GSN: variants seen among roughly 807,000 people sequenced by gnomAD.
The protein encoded by GSN is actin-depolymerizing factor.
GSN carries 56 observed loss-of-function variants against 85.7 expected under a neutral mutation model. The ratio of observed to expected loss-of-function variants is 0.65; its 90% CI spans 0.53 to 0.82. The LOEUF is 0.82. GSN is among the 40% of genes least tolerant of loss of function. The pLI is 0.00. For synonymous variants in GSN, 373 were observed against 399.1 expected (o/e 0.93, Z 0.78); for missense variants, 857 against 979.8 (o/e 0.87, Z 1.67).
At chr9:121,268,416 G>A (rs986756572) in intron 1 of GSN, among the ~76,000 whole-genome samples, 197 bp downstream of exon 1, 2 of 152,216 alleles carry the variant, frequency 1.3e-5, no homozygotes, top group African/African-American at 2.4e-5. Context: ...TGGGAGTTGG[G>A]GGATGGGGAG....
chr9:121,224,596 C>T (rs2054237783), intron 4 of GSN, among the ~76,000 whole-genome samples: 1 of 151,898 alleles, frequency 6.6e-6, no homozygotes, highest in Admixed American at 6.6e-5. Context: ...CTGGCTTCTT[C>T]CTGAAATAGA....
chr9:121,250,572 C>G (rs922145792), intron 6 of GSN, among the ~76,000 whole-genome samples: 1 of 151,468 alleles, frequency 6.6e-6, no homozygotes, highest in Admixed American at 6.6e-5. Context: ...GGGTCTGGCT[C>G]TGTCACTCAG....
intron 14 of GSN, 27 bp downstream of exon 14, chr9:121,327,509 G>A: frequency 6.5e-7 from 1 of 1,536,108 alleles, no homozygotes; most frequent in Non-Finnish European, 8.8e-7. Context: ...GGGGCCTGCT[G>A]CTGTCCGGAT....
At chr9:121,319,030 T>G in intron 10 of GSN, 150 bp downstream of exon 10, 1 of 711,820 alleles carries the variant, frequency 1.4e-6, no homozygotes, top group Admixed American at 2.2e-5. Context: ...TTACAGCCAA[T>G]GCACCCTGTG....
At chr9:121,231,530 T>G (rs796992134) in intron 5 of GSN, among the ~76,000 whole-genome samples, 4 of 152,170 alleles carry the variant, frequency 2.6e-5, no homozygotes, top group African/African-American at 9.6e-5. Context: ...ACTTCAGACA[T>G]GATTTTGAAG....
chr9:121,246,105 A>G (rs559169308), intron 5 of GSN, among the ~76,000 whole-genome samples: 2 of 152,214 alleles, frequency 1.3e-5, no homozygotes, highest in African/African-American at 2.4e-5. Context: ...ATTTGCCTCA[A>G]AATTATCTGA....
rs750280862 is a variant in GSN, at chr9:121,300,015, C to CG, written c.-9-1942dup. 3.0e-5 allele frequency: 45 copies of CG among 1,505,630 alleles called. No individual in the cohort carries two copies. In the East Asian group the frequency reaches 4.0e-4, roughly 13 times the overall value. The allele number at this position is 1,505,630 out of a possible 1,614,324, so 93.3% of individuals were successfully genotyped here. A position where few individuals can be genotyped will look rare whatever the true frequency, so the allele number is the denominator to read the frequency against. Reference sequence around the variant, plus strand: ...GGTGCCCGAGGCGCGGGTGAGTGCCCGGGGGGCCCCGGGGCTCCCGGAGTA... The same window carrying CG: ...GGTGCCCGAGGCGCGGGTGAGTGCCCGGGGGGGCCCCGGGGCTCCCGGAGTA... On this transcript the variant is annotated intron_variant, in intron 2 of 17. Transcript: ENST00000432226.
chr9:121,219,314 T>TA (rs1434831210), intron 4 of GSN, among the ~76,000 whole-genome samples: 3 of 151,396 alleles, frequency 2.0e-5, no homozygotes, highest in African/African-American at 7.3e-5. Flanking sequence ...CCCAGGCTGG[T>TA]CTTGAACTCC....
chr9:121,327,606 G>A lies in GSN; in HGVS notation c.1762+124G>A, dbSNP rs1670137004. ...CCCACCTGAGGGCCTGTCCCCTAATGTATGTTAAATAAAAGCAGTTGCATT... is the reference window on the plus strand; with the variant it reads ...CCCACCTGAGGGCCTGTCCCCTAATATATGTTAAATAAAAGCAGTTGCATT... On this transcript the variant is annotated intron_variant, in intron 14 of 17. Coordinates refer to ENST00000432226, the MANE Select transcript of GSN (RefSeq NM_198252.3). The A allele has an allele frequency of 1.3e-5, 10 of 765,914 alleles. No homozygotes were observed. The South Asian group carries it at 1.9e-4, about 14-fold the overall frequency. 47.4% of individuals were successfully genotyped at this position (765,914 alleles called of 1,614,324 possible).
intron 1 of GSN, among the ~76,000 whole-genome samples, chr9:121,270,357 G>A (rs1042035784): frequency 2.0e-5 from 3 of 152,078 alleles, no homozygotes; most frequent in African/African-American, 7.3e-5. Context: ...CTGATGTAGG[G>A]GATGCATTGA....
intron 1 of GSN, chr9:121,280,463 C>T (rs1475624640): frequency 6.6e-6 from 1 of 152,188 alleles, no homozygotes; most frequent in Non-Finnish European, 1.5e-5. Context: ...AGTCCTATCA[C>T]CAGACACTGA....
chr9:121,266,003 C>T (rs1248342357), upstream of GSN, among the ~76,000 whole-genome samples: 3 of 152,190 alleles, frequency 2.0e-5, no homozygotes, highest in Admixed American at 6.5e-5. Flanking sequence ...TCATCACAAT[C>T]ATCATCAATC....
intron 7 of GSN, among the ~76,000 whole-genome samples, chr9:121,315,203 G>A (rs1438373509): frequency 6.6e-6 from 1 of 152,140 alleles, no homozygotes; most frequent in East Asian, 1.9e-4. Flanking sequence ...TCATGCTGTT[G>A]TGTGGTCTTT....
intron 5 of GSN, among the ~76,000 whole-genome samples, chr9:121,232,233 G>A (rs969986585): frequency 2.6e-5 from 4 of 152,334 alleles, no homozygotes; most frequent in Middle Eastern, 3.4e-3. Flanking sequence ...CTTCATGACT[G>A]TCCAGTGCTG....
chr9:121,250,033 AT>A (rs1223955508), intron 6 of GSN, among the ~76,000 whole-genome samples: 1 of 152,118 alleles, frequency 6.6e-6, no homozygotes, highest in Non-Finnish European at 1.5e-5. Context: ...ATGCTACCTT[AT>A]CCTGAAGCCG....
At chr9:121,286,605 C>T (rs2058110182) in intron 2 of GSN, 3 of 1,508,496 alleles carry the variant, frequency 2.0e-6, no homozygotes, top group Non-Finnish European at 2.6e-6. Context: ...CTCCCAGGGC[C>T]CACAACTGCT....
intron 4 of GSN, among the ~76,000 whole-genome samples, chr9:121,217,517 C>T (rs1379692919): frequency 1.3e-5 from 2 of 152,010 alleles, no homozygotes; most frequent in Non-Finnish European, 2.9e-5. Context: ...TCCTGAGCCA[C>T]TCCCTCCTCC....
intron 10 of GSN, among the ~76,000 whole-genome samples, chr9:121,319,392 A>G (rs908903153): frequency 6.6e-6 from 1 of 152,148 alleles, no homozygotes; most frequent in Non-Finnish European, 1.5e-5. Context: ...GCCAATTTCA[A>G]GGGTGTAGAC....
At chr9:121,243,750 G>A (rs907935564) in intron 5 of GSN, among the ~76,000 whole-genome samples, 2 of 152,064 alleles carry the variant, frequency 1.3e-5, no homozygotes, top group African/African-American at 2.4e-5. Flanking sequence ...GTTAATTTTT[G>A]TATTTTTAGA....
Sources: gnomAD v4.1 joint callset for allele counts (sites outside exome capture counted in the v4.1 genomes callset) on GRCh38, gnomAD v4.1.1 for gene constraint, MANE v1.5 for transcripts, NCBI Gene and HGNC (gene_info 2026-07-23, HGNC 2026-07-21) for gene names.